DNAAF9: variants seen among roughly 807,000 people sequenced by gnomAD.
DNAAF9 encodes dynein axonemal assembly factor 9.
In DNAAF9, 90 loss-of-function variants were observed where a neutral mutation model predicts 167.0. The ratio of observed to expected loss-of-function variants is 0.54; its 90% CI spans 0.45 to 0.64. The LOEUF is 0.64. DNAAF9 is among the 30% of genes least tolerant of loss of function. DNAAF9 has a pLI of 0.00. For synonymous variants in DNAAF9, 491 were observed against 508.8 expected (o/e 0.96, Z 0.47); for missense variants, 1,315 against 1,442.2 (o/e 0.91, Z 1.43).
intron 28 of DNAAF9, 58 bp from the exon 29 acceptor site, chr20:3,279,007 T>C (rs933616692): frequency 2.3e-5 from 29 of 1,242,638 alleles, no homozygotes; most frequent in Non-Finnish European, 2.6e-5. Flanking sequence ...TTGTCACTGA[T>C]TATTTCCCAT....
At chr20:3,319,262 C>CA (rs57727958) in intron 16 of DNAAF9, among the ~76,000 whole-genome samples, 1,597 of 41,512 alleles carry the variant, frequency 0.038, 403 homozygotes, top group Non-Finnish European at 0.063. Flanking sequence ...GACCCCGTCT[C>CA]AAAAAAAAAA....
chr20:3,325,938 G>A (rs1455116208), intron 13 of DNAAF9, among the ~76,000 whole-genome samples: 1 of 151,142 alleles, frequency 6.6e-6, no homozygotes, highest in East Asian at 1.9e-4. Flanking sequence ...ACAAAACAAT[G>A]TGCTACAGAA....
At chr20:3,302,517 C>T (rs956006920) in intron 21 of DNAAF9, among the ~76,000 whole-genome samples, 1 of 152,150 alleles carries the variant, frequency 6.6e-6, no homozygotes, top group African/African-American at 2.4e-5. Context: ...CCTCCCCATC[C>T]CCTAAAATAC....
At position 3,382,510 on chromosome 20, in the gene DNAAF9, C is replaced by T; in HGVS notation, c.84-4G>A. On this transcript the variant is annotated splice_polypyrimidine_tract_variant and splice_region_variant and intron_variant, in intron 1 of 36. Coordinates refer to ENST00000252032, the MANE Select transcript of DNAAF9 (RefSeq NM_001009984.3). ...AACCTGCCGAAGTCGACTGCAGCTG[C>T]AACAAGAACAGAAAATGGTCCCCTG... 6.2e-7 allele frequency: 1 copy of T among 1,613,324 alleles called. No individual in the cohort carries two copies. Among genetic ancestry groups the T allele is most frequent in the South Asian group, 1.1e-5 (1 of 91,044 alleles).
chr20:3,299,371 G>A (rs544008046), intron 21 of DNAAF9, among the ~76,000 whole-genome samples: 1 of 151,316 alleles, frequency 6.6e-6, no homozygotes, highest in Non-Finnish European at 1.5e-5. Context: ...GGAGTGCAGT[G>A]GTGCCATCTT....
intron 6 of DNAAF9, among the ~76,000 whole-genome samples, chr20:3,373,802 CAGCTGAGAATG>C (rs1278422637): frequency 6.6e-6 from 1 of 152,112 alleles, no homozygotes; most frequent in Non-Finnish European, 1.5e-5. Context: ...GAAGAACAGT[CAGCTGAGAATG>C]GGGTAAGGGA....
intron 27 of DNAAF9, among the ~76,000 whole-genome samples, chr20:3,285,282 C>A (rs934329040): frequency 6.6e-6 from 1 of 152,136 alleles, no homozygotes; most frequent in Non-Finnish European, 1.5e-5. Flanking sequence ...CATGGTGGCT[C>A]ACACCCATAC....
At chr20:3,256,724 G>A (rs1474419535) in intron 33 of DNAAF9, among the ~76,000 whole-genome samples, 4 of 152,212 alleles carry the variant, frequency 2.6e-5, no homozygotes, top group Non-Finnish European at 5.9e-5. Context: ...GACCCTGAGC[G>A]TGAGACATCC....
chr20:3,367,575 G>A (rs985555109), intron 6 of DNAAF9, among the ~76,000 whole-genome samples: 3 of 151,936 alleles, frequency 2.0e-5, no homozygotes, highest in African/African-American at 7.3e-5. Context: ...GTTATTAATT[G>A]GCCTAATTTC....
intron 30 of DNAAF9, among the ~76,000 whole-genome samples, chr20:3,264,999 C>T (rs2068462364): frequency 6.6e-6 from 1 of 152,146 alleles, no homozygotes; most frequent in African/African-American, 2.4e-5. Context: ...CTAAATACTT[C>T]AGTATGCATC....
intron 25 of DNAAF9, among the ~76,000 whole-genome samples, chr20:3,292,085 G>A (rs2068966383): frequency 6.7e-6 from 1 of 150,336 alleles, no homozygotes; most frequent in African/African-American, 2.5e-5. Flanking sequence ...TACAACCTCC[G>A]CCTCCCGGGT....
At chr20:3,270,962 G>A (rs984888587) in intron 29 of DNAAF9, among the ~76,000 whole-genome samples, 13 of 151,858 alleles carry the variant, frequency 8.6e-5, no homozygotes, top group East Asian at 7.7e-4. Flanking sequence ...ACAGGAACCC[G>A]CAACCATGCC....
At chr20:3,366,370 A>AT (rs959314444) in intron 6 of DNAAF9, among the ~76,000 whole-genome samples, 201 of 150,940 alleles carry the variant, frequency 1.3e-3, no homozygotes, top group Admixed American at 1.8e-3. Flanking sequence ...CTTGAAAGGA[A>AT]TTTTTTTTTT....
chr20:3,318,479 T>C, intron 16 of DNAAF9, 79 bp from the exon 17 acceptor site: 1 of 742,818 alleles, frequency 1.3e-6, no homozygotes, highest in South Asian at 1.5e-5. Context: ...AGACCACAAA[T>C]ACTGCCTAAA....
chr20:3,368,673 C>T (rs540301852), intron 6 of DNAAF9, among the ~76,000 whole-genome samples: 7 of 151,972 alleles, frequency 4.6e-5, no homozygotes, highest in Middle Eastern at 3.4e-3. Flanking sequence ...CCACCAAGCC[C>T]GGCTAATTTT....
At chr20:3,304,368 T>A (rs1600743738) in intron 21 of DNAAF9, 72 bp downstream of exon 21, 2 of 774,556 alleles carry the variant, frequency 2.6e-6, no homozygotes, top group Non-Finnish European at 4.7e-6. Context: ...GAGAAAGGAG[T>A]TATTTAGTTT....
At chr20:3,286,459 C>T (rs2068854538) in intron 27 of DNAAF9, among the ~76,000 whole-genome samples, 4 of 152,206 alleles carry the variant, frequency 2.6e-5, no homozygotes, top group Admixed American at 1.3e-4. Context: ...TCCACACCCT[C>T]GGTGACTCTC....
At chr20:3,304,796 G>A (rs1298941612) in intron 20 of DNAAF9, among the ~76,000 whole-genome samples, 1 of 152,210 alleles carries the variant, frequency 6.6e-6, no homozygotes, top group African/African-American at 2.4e-5. Flanking sequence ...AGCTAATGGG[G>A]AGAAGCAAAA....
intron 6 of DNAAF9, among the ~76,000 whole-genome samples, chr20:3,360,469 C>G (rs1232488232): frequency 6.6e-6 from 1 of 152,150 alleles, no homozygotes; most frequent in Non-Finnish European, 1.5e-5. Flanking sequence ...CATAATATGA[C>G]TTTTTTAGTT....
Sources: allele counts gnomAD v4.1 joint callset (sites outside exome capture counted in the v4.1 genomes callset), GRCh38; gene constraint gnomAD v4.1.1; transcripts MANE v1.5; gene names NCBI Gene and HGNC (gene_info 2026-07-23, HGNC 2026-07-21).